The following TMED6 variants were observed in gnomAD, a reference collection of about 807,000 sequenced individuals.
The protein encoded by TMED6 is transmembrane p24 trafficking protein 6.
Under a neutral mutation model 26.5 loss-of-function variants are expected in TMED6, and 17 were observed. The ratio of observed to expected loss-of-function variants is 0.64; its 90% CI spans 0.44 to 0.96. The LOEUF (loss-of-function observed/expected upper bound fraction) is 0.96, where lower values mean the gene tolerates loss of function less well. Among genes scored for constraint, TMED6 ranks in the 40% least tolerant of loss-of-function variants. TMED6 has a pLI of 0.00. For synonymous variants in TMED6, 107 were observed against 106.2 expected (o/e 1.01, Z -0.04); for missense variants, 309 against 296.5 (o/e 1.04, Z -0.31).
intron 3 of TMED6, 54 bp from the exon 4 acceptor site, chr16:69,343,694 C>A: frequency 6.7e-7 from 1 of 1,487,888 alleles, no homozygotes; most frequent in South Asian, 1.1e-5. Context: ...TCTAGCCTCA[C>A]CTGAGCGCTC....
rs76731000 is a variant in TMED6, at chr16:69,343,624, A to C, written c.506T>G (p.Val169Gly). ...CCACATGTGAAAGATATTGTTCTGC[A>C]CCTTTTGTGTGCCGTCCTATGAGAG... ...LDAIEDGTQK[V>G]QNNIFHMWRY... The change falls in exon 4 of 4, where the codon GTG (valine) becomes GGG (glycine). Residue 169 changes from valine to glycine, a missense_variant. Physicochemically the swap from Val to Gly is moderately radical, Grantham distance 109 (BLOSUM62 -3). Transcript: ENST00000288025. The C allele has an allele frequency of 7.4e-6, 12 of 1,613,596 alleles. No homozygotes were observed. The African/African-American group carries it at 1.1e-4, about 14-fold the overall frequency.
intron 1 of TMED6, among the ~76,000 whole-genome samples, chr16:69,351,058 A>C (rs1337638738): frequency 6.6e-6 from 1 of 152,054 alleles, no homozygotes; most frequent in Non-Finnish European, 1.5e-5. Flanking sequence ...AAATAGGATT[A>C]ACTGGCCGAA....
At chr16:69,346,980 G>C (rs1402937408) in intron 3 of TMED6, among the ~76,000 whole-genome samples, 2 of 152,096 alleles carry the variant, frequency 1.3e-5, no homozygotes, top group Non-Finnish European at 2.9e-5. Flanking sequence ...TGAGGCTGCA[G>C]TGAGCTGTGA....
Position 69,347,814 on chromosome 16 carries a change from G to GTTGT in TMED6, c.459_462dup (p.Leu155ThrfsTer4), listed in dbSNP as rs1213761737. ...TCAATTGCATCCAGAGTATCATTCA[G>GTTGT]TTGTTTTCTTTCCTTCTGTTTGTGA... is the stretch of plus-strand genomic sequence containing the variant. On this transcript the variant is annotated frameshift_variant, in exon 3 of 4. Transcript: ENST00000288025. LOFTEE classifies it high-confidence loss of function. 6.2e-7 allele frequency: 1 copy of GTTGT among 1,614,074 alleles called. No homozygotes were observed. Among genetic ancestry groups the GTTGT allele is most frequent in the Non-Finnish European group, 8.5e-7 (1 of 1,179,990 alleles).
At position 69,347,780 on chromosome 16, in the gene TMED6, T is replaced by A. The variant is rs1166716026; in HGVS notation, c.489+8A>T. On this transcript the variant is annotated splice_region_variant and intron_variant, in intron 3 of 3. Transcript: ENST00000288025. ...CAGATGTTTCTCTTCCACAAAACAC[T>A]TCCTTACCTCAATTGCATCCAGAGT... 3 of 1,613,970 alleles carry A rather than the reference T, an allele frequency of 1.9e-6. No homozygotes were observed. The East Asian group carries it at 6.7e-5, about 36-fold the overall frequency.
intron 3 of TMED6, among the ~76,000 whole-genome samples, chr16:69,344,501 A>G (rs1009602070): frequency 1.3e-4 from 20 of 151,698 alleles, no homozygotes; most frequent in African/African-American, 4.4e-4. Context: ...GGCCGGGTGC[A>G]GTGGCTCATA....
chr16:69,345,178 G>A (rs990035813), intron 3 of TMED6, among the ~76,000 whole-genome samples: 2 of 152,104 alleles, frequency 1.3e-5, no homozygotes, highest in Admixed American at 6.5e-5. Context: ...TCAGGAGGCC[G>A]AGGCAGGAGA....
chr16:69,345,678 CAAAAAAAAAAAAA>C (rs34468905), intron 3 of TMED6, among the ~76,000 whole-genome samples: 6 of 43,432 alleles, frequency 1.4e-4, no homozygotes, highest in East Asian at 1.3e-3. Context: ...CTGACTCTCT[CAAAAAAAAAAAAA>C]AAAAAAAAAA....
At chr16:69,349,754 T>G in intron 1 of TMED6, 103 bp from the exon 2 acceptor site, 1 of 1,470,228 alleles carries the variant, frequency 6.8e-7, no homozygotes, top group Non-Finnish European at 9.2e-7. Flanking sequence ...CAGCGGTCTC[T>G]GTCTGGGGTG....
rs2012616830 is a variant in TMED6, at chr16:69,343,452, G to A, written c.678C>T (p.Leu226=). The A allele has an allele frequency of 6.2e-7, 1 of 1,614,076 alleles. No homozygotes were observed. The highest frequency in any genetic ancestry group is 1.7e-5 in the Admixed American group (1 of 59,992). Residue 226 remains leucine, a synonymous_variant, in exon 4 of 4, where the codon CTC becomes CTT. Transcript: ENST00000288025. ...GILQLYFLKR[L]FNVPTTTDTK... ...TATCTGTAGTTGTTGGAACATTGAA[G>A]AGACGCTTCAAGAAATACAGTTGCA...
Position 69,343,361 on chromosome 16 carries a change from A to G in TMED6, c.*46T>C. ...CCCATAACATTACAAAGCTGATTCG[A>G]CTAAGCCCCAGAAGAAAACAGCCAG... is the stretch of plus-strand genomic sequence containing the variant. On this transcript the variant is annotated 3_prime_UTR_variant, in exon 4 of 4. Coordinates refer to ENST00000288025, the MANE Select transcript of TMED6 (RefSeq NM_144676.4). 2.6e-6 allele frequency: 4 copies of G among 1,526,542 alleles called. No homozygotes were observed. The highest frequency in any genetic ancestry group is 3.6e-6 in the Non-Finnish European group (4 of 1,113,492). 94.6% of individuals were successfully genotyped at this position (1,526,542 alleles called of 1,614,324 possible).
intron 3 of TMED6, among the ~76,000 whole-genome samples, 182 bp downstream of exon 3, chr16:69,347,606 C>A (rs946529661): frequency 1.6e-4 from 24 of 152,136 alleles, no homozygotes; most frequent in African/African-American, 5.8e-4. Flanking sequence ...GTGATCCACC[C>A]ACCTCGGCCT....
chr16:69,347,745 TC>T, intron 3 of TMED6, 42 bp downstream of exon 3: 3 of 1,607,918 alleles, frequency 1.9e-6, no homozygotes, highest in Non-Finnish European at 2.6e-6. Context: ...AAGTTAAAAA[TC>T]AGTTTCCACA....
intron 3 of TMED6, among the ~76,000 whole-genome samples, chr16:69,346,200 G>A (rs1406141825): frequency 1.3e-5 from 2 of 152,186 alleles, no homozygotes; most frequent in Non-Finnish European, 2.9e-5. Context: ...GTTTAAAATG[G>A]TTTAGCCACT....
intron 1 of TMED6, among the ~76,000 whole-genome samples, chr16:69,349,871 G>A (rs1317205139): frequency 6.6e-6 from 1 of 152,194 alleles, no homozygotes; most frequent in Non-Finnish European, 1.5e-5. Flanking sequence ...CGTCTGCAAT[G>A]TAAGAAACAG....
chr16:69,348,008 T>G, intron 2 of TMED6, 72 bp from the exon 3 acceptor site: 1 of 1,517,566 alleles, frequency 6.6e-7, no homozygotes, highest in South Asian at 1.3e-5. Context: ...TGGAGGTATC[T>G]GTCCTCTAGT....
chr16:69,344,563 A>G (rs2012651138), intron 3 of TMED6, among the ~76,000 whole-genome samples: 1 of 151,798 alleles, frequency 6.6e-6, no homozygotes, highest in African/African-American at 2.4e-5. Flanking sequence ...ACCTGAGATC[A>G]GGAGTTTAAG....
chr16:69,347,931 A>G lies in TMED6; in HGVS notation c.346T>C (p.Tyr116His). ...INFSTQETGF[Y>H]QLCLSNQHNH... ...TGCTGATTACTTAGACAAAGCTGAT[A>G]AAAACCTGTAGGAATTCTTAGATCA... The change falls in exon 3 of 4, where the codon TAT (tyrosine) becomes CAT (histidine). Residue 116 changes from tyrosine to histidine, a missense_variant. Coordinates refer to ENST00000288025, the MANE Select transcript of TMED6 (RefSeq NM_144676.4). 6.2e-7 allele frequency: 1 copy of G among 1,613,980 alleles called. No individual in the cohort carries two copies. Among genetic ancestry groups the G allele is most frequent in the Non-Finnish European group, 8.5e-7 (1 of 1,179,942 alleles).
In TMED6 at chr16:69,343,550, T is replaced by A. The variant is rs545180603; in HGVS notation, c.580A>T (p.Ile194Phe). 1.5e-5 allele frequency: 25 copies of A among 1,614,150 alleles called. No homozygotes were observed. Among genetic ancestry groups the A allele is most frequent in the South Asian group, 6.6e-5 (6 of 91,080 alleles). The change falls in exon 4 of 4, where the codon ATC becomes TTC. Residue 194 changes from isoleucine (I) to phenylalanine (F), a missense_variant. Physicochemically the swap from Ile to Phe is conservative, Grantham distance 21 (BLOSUM62 0). Transcript: ENST00000288025. ...TTCACGTAGTTATAGTTTGATTGGA[T>A]AAGGAAAAAGTCAGCCATTTTCCTC... Reference protein sequence around the residue: ...RMRKMADFFLIQSNYNYVNWW... With the variant: ...RMRKMADFFLFQSNYNYVNWW...
Sources: allele counts gnomAD v4.1 joint callset (sites outside exome capture counted in the v4.1 genomes callset), GRCh38; gene constraint gnomAD v4.1.1; transcripts MANE v1.5; gene names NCBI Gene and HGNC (gene_info 2026-07-23, HGNC 2026-07-21).